GFRA2: variants seen among roughly 807,000 people sequenced by gnomAD.
GFRA2 encodes GDNF family receptor alpha-2.
GFRA2 carries 17 observed loss-of-function variants against 48.3 expected under a neutral mutation model. The observed-to-expected ratio is 0.35, with a 90% CI of 0.24 to 0.53. The LOEUF (loss-of-function observed/expected upper bound fraction) is 0.53, where lower values mean the gene tolerates loss of function less well. GFRA2 is among the 20% of genes least tolerant of loss of function. GFRA2 has a pLI of 0.93. For synonymous variants in GFRA2, 305 were observed against 257.2 expected (o/e 1.19, Z -1.78); for missense variants, 660 against 637.3 (o/e 1.04, Z -0.38).
At chr8:21,714,448 C>CG (rs986666396) in intron 4 of GFRA2, among the ~76,000 whole-genome samples, 10 of 151,550 alleles carry the variant, frequency 6.6e-5, no homozygotes, top group Non-Finnish European at 1.5e-4. Flanking sequence ...GATAGGGTTT[C>CG]GCCATGTTGC....
chr8:21,764,196 G>C (rs1031359183), intron 3 of GFRA2, among the ~76,000 whole-genome samples: 3 of 152,208 alleles, frequency 2.0e-5, no homozygotes, highest in African/African-American at 7.2e-5. Flanking sequence ...TGGTTCTCAA[G>C]GCTGCAAAGT....
At chr8:21,806,639 T>A (rs1451507511) in intron 1 of GFRA2, among the ~76,000 whole-genome samples, 1 of 152,096 alleles carries the variant, frequency 6.6e-6, no homozygotes, top group East Asian at 1.9e-4. Context: ...TAAATTTCCT[T>A]TAACTTTTGT....
In GFRA2 at chr8:21,693,295, G is replaced by T; in HGVS notation, c.1378C>A (p.Leu460Met). 1 of 1,612,568 alleles carries T rather than the reference G, an allele frequency of 6.2e-7. No homozygotes were observed. The highest frequency in any genetic ancestry group is 8.5e-7 in the Non-Finnish European group (1 of 1,179,174). ...CCCACAGCCTACAAGGCCAGTTTCA[G>T]CATCAGGACAGACAGCACGGTCAAG... is the stretch of plus-strand genomic sequence containing the variant. ...AALTVLSVLMLKLAL is the reference protein window; with the variant it reads ...AALTVLSVLMMKLAL The change falls in exon 9 of 9, where the codon CTG becomes ATG. Residue 460 changes from leucine (L) to methionine (M), a missense_variant. Leu to Met is a conservative substitution (Grantham distance 15). Coordinates refer to ENST00000524240, the MANE Select transcript of GFRA2 (RefSeq NM_001495.5).
intron 4 of GFRA2, among the ~76,000 whole-genome samples, chr8:21,724,302 C>T (rs1056447379): frequency 6.6e-6 from 1 of 152,116 alleles, no homozygotes; most frequent in Non-Finnish European, 1.5e-5. Flanking sequence ...GATGTCCTTA[C>T]AGGCAGACTT....
At chr8:21,801,276 C>CA (rs1190331805) in intron 2 of GFRA2, among the ~76,000 whole-genome samples, 1 of 152,084 alleles carries the variant, frequency 6.6e-6, no homozygotes, top group Non-Finnish European at 1.5e-5. Flanking sequence ...AGTCACCCCT[C>CA]AGGCCTCCCA....
At chr8:21,765,985 G>T (rs936727851) in intron 3 of GFRA2, among the ~76,000 whole-genome samples, 5 of 152,068 alleles carry the variant, frequency 3.3e-5, no homozygotes, top group Admixed American at 3.3e-4. Context: ...TCTGCTCTGT[G>T]CCCAGCCCCA....
intron 7 of GFRA2, among the ~76,000 whole-genome samples, chr8:21,702,551 G>A (rs1200994085): frequency 6.6e-6 from 1 of 152,200 alleles, no homozygotes; most frequent in African/African-American, 2.4e-5. Flanking sequence ...CCGAGGCTGT[G>A]CCCCACTGCC....
intron 1 of GFRA2, among the ~76,000 whole-genome samples, chr8:21,811,368 CAT>C (rs984179764): frequency 3.9e-5 from 6 of 152,174 alleles, no homozygotes; most frequent in African/African-American, 7.2e-5. Context: ...GAGATCCTAA[CAT>C]GTGACTTTAC....
chr8:21,749,880 C>T (rs1476275984), intron 4 of GFRA2, among the ~76,000 whole-genome samples: 6 of 152,086 alleles, frequency 3.9e-5, no homozygotes, highest in Middle Eastern at 3.4e-3. Context: ...AAAATACCCA[C>T]GTCACAGGGT....
At chr8:21,751,849 T>G (rs1427243509) in intron 3 of GFRA2, among the ~76,000 whole-genome samples, 1 of 152,092 alleles carries the variant, frequency 6.6e-6, no homozygotes, top group East Asian at 1.9e-4. Context: ...GGTGCCGTGT[T>G]AGATATAAAA....
intron 4 of GFRA2, among the ~76,000 whole-genome samples, chr8:21,740,769 C>T (rs1804710682): frequency 6.6e-6 from 1 of 152,160 alleles, no homozygotes; most frequent in African/African-American, 2.4e-5. Context: ...ATTAACATGC[C>T]CAAAATGGAA....
intron 3 of GFRA2, among the ~76,000 whole-genome samples, chr8:21,771,438 C>T (rs1806435117): frequency 6.6e-6 from 1 of 152,176 alleles, no homozygotes. Flanking sequence ...GACACAGCCA[C>T]ACTGCTCCCT....
At chr8:21,696,182 CCCTCT>C (rs1802163166) in intron 7 of GFRA2, among the ~76,000 whole-genome samples, 2 of 129,136 alleles carry the variant, frequency 1.5e-5, no homozygotes, top group African/African-American at 5.8e-5. Context: ...TTCTCCCCTC[CCCTCT>C]CCCTCTCCCT....
chr8:21,743,167 T>C (rs1004512767), intron 4 of GFRA2, among the ~76,000 whole-genome samples: 1 of 152,064 alleles, frequency 6.6e-6, no homozygotes, highest in Non-Finnish European at 1.5e-5. Context: ...AGCAGCCACA[T>C]GGGATCCCCA....
chr8:21,754,860 T>C lies in GFRA2; in HGVS notation c.440-3918A>G, dbSNP rs376112789. On this transcript the variant is annotated intron_variant, in intron 3 of 8. Coordinates refer to ENST00000524240, the MANE Select transcript of GFRA2 (RefSeq NM_001495.5). ...AGAAAAGTGCCCTCTCTTCTTGTTA[T>C]AAAAATAAAAGAGGGGAGGGTACAT... Among the ~76,000 whole-genome samples, 23 of 152,142 alleles carry C rather than the reference T, an allele frequency of 1.5e-4. 1 individual carries two copies. The highest frequency in any genetic ancestry group is 1.0e-3 in the South Asian group (5 of 4,806).
At chr8:21,723,662 C>G (rs1803713018) in intron 4 of GFRA2, among the ~76,000 whole-genome samples, 1 of 152,152 alleles carries the variant, frequency 6.6e-6, no homozygotes, top group South Asian at 2.1e-4. Flanking sequence ...CCCCCCTCCA[C>G]CCCGCAGGGT....
chr8:21,731,198 G>A (rs80124378), intron 4 of GFRA2, among the ~76,000 whole-genome samples: 3 of 152,180 alleles, frequency 2.0e-5, no homozygotes, highest in South Asian at 2.1e-4. Flanking sequence ...TGACAGCCTC[G>A]TCTTCTGAGT....
intron 1 of GFRA2, among the ~76,000 whole-genome samples, chr8:21,806,238 A>G (rs1267396468): frequency 6.6e-6 from 1 of 152,208 alleles, no homozygotes; most frequent in Non-Finnish European, 1.5e-5. Flanking sequence ...CAACTTTACA[A>G]TGGTGCAAAA....
intron 3 of GFRA2, among the ~76,000 whole-genome samples, chr8:21,771,655 C>G (rs1359871671): frequency 6.6e-6 from 1 of 152,278 alleles, no homozygotes; most frequent in South Asian, 2.1e-4. Flanking sequence ...GAAGAATACA[C>G]GTTCCAGGAG....
Sources: allele counts gnomAD v4.1 joint callset (sites outside exome capture counted in the v4.1 genomes callset), GRCh38; gene constraint gnomAD v4.1.1; transcripts MANE v1.5; gene names NCBI Gene and HGNC (gene_info 2026-07-23, HGNC 2026-07-21).